The following LARGE1 variants were observed in gnomAD, a reference collection of about 807,000 sequenced individuals.
LARGE1 encodes xylosyl- and glucuronyltransferase LARGE1.
Under a neutral mutation model 87.6 loss-of-function variants are expected in LARGE1, and 43 were observed. The ratio of observed to expected loss-of-function variants is 0.49; its 90% CI spans 0.38 to 0.63. The LOEUF (loss-of-function observed/expected upper bound fraction) is 0.63. LARGE1 is among the 30% of genes least tolerant of loss of function. LARGE1 has a pLI of 0.00. For missense variants in LARGE1, 802 were observed against 1,000.2 expected, an observed-to-expected ratio of 0.80 and a Z score of 2.67; for synonymous variants, 434 against 394.6, an observed-to-expected ratio of 1.10 and a Z score of -1.18.
intron 2 of LARGE1, among the ~76,000 whole-genome samples, chr22:33,684,179 T>C (rs2081873210): frequency 6.6e-6 from 1 of 152,106 alleles, no homozygotes; most frequent in African/African-American, 2.4e-5. Context: ...ACCCGGTGAA[T>C]GTGGAATGTG....
chr22:33,305,544 A>G (rs1440903671), intron 11 of LARGE1: 2 of 978,218 alleles, frequency 2.0e-6, no homozygotes, highest in Non-Finnish European at 2.4e-6. Flanking sequence ...AGCAAGAGGT[A>G]CGTAATCAGC....
chr22:33,863,694 G>A (rs112207451), intron 1 of LARGE1, among the ~76,000 whole-genome samples: 1,808 of 152,112 alleles, frequency 0.012, 33 homozygotes, highest in African/African-American at 0.042. Context: ...CTTGAACCCA[G>A]GAGGCGGAGG....
At chr22:33,712,718 G>C (rs1035100117) in intron 2 of LARGE1, among the ~76,000 whole-genome samples, 64 of 150,582 alleles carry the variant, frequency 4.3e-4, no homozygotes, top group South Asian at 6.3e-4. Context: ...GCTGAGGCCA[G>C]CAAGAAAAGC....
chr22:33,200,820 A>T (rs1036255252), intron 11 of LARGE1, among the ~76,000 whole-genome samples: 6 of 152,196 alleles, frequency 3.9e-5, no homozygotes, highest in African/African-American at 1.4e-4. Context: ...AGCATTGGAG[A>T]GGGAGTGCTA....
At chr22:33,359,051 G>A in intron 9 of LARGE1, among the ~76,000 whole-genome samples, 1 of 151,842 alleles carries the variant, frequency 6.6e-6, no homozygotes, top group East Asian at 1.9e-4. Flanking sequence ...ATTATTAAGG[G>A]GCTCTGTTCT....
At chr22:33,795,051 C>G (rs2085937818) in intron 1 of LARGE1, among the ~76,000 whole-genome samples, 1 of 152,186 alleles carries the variant, frequency 6.6e-6, no homozygotes, top group Non-Finnish European at 1.5e-5. Context: ...TCATAGGACT[C>G]AATGAATGGT....
intron 11 of LARGE1, among the ~76,000 whole-genome samples, chr22:33,210,441 G>A (rs536346434): frequency 6.6e-6 from 1 of 152,362 alleles, no homozygotes; most frequent in South Asian, 2.1e-4. Flanking sequence ...CTCAGCCATG[G>A]TCTCCTGTCC....
intron 12 of LARGE1, among the ~76,000 whole-genome samples, chr22:33,301,373 A>AGTCAAGGCAGCCTGAAGGCATATTTT (rs1427282264): frequency 6.6e-6 from 1 of 152,134 alleles, no homozygotes; most frequent in African/African-American, 2.4e-5. Context: ...GGGTGTGAGG[A>AGTCAAGGCAGCCTGAAGGCATATTTT]GTCAAGGCAG....
At chr22:33,903,641 A>G (rs2065350481) in intron 1 of LARGE1, among the ~76,000 whole-genome samples, 2 of 152,110 alleles carry the variant, frequency 1.3e-5, no homozygotes, top group African/African-American at 4.8e-5. Flanking sequence ...CCTGGCCAAC[A>G]TGGTGAAACC....
chr22:33,507,032 G>A (rs1022827605), intron 6 of LARGE1, among the ~76,000 whole-genome samples: 4 of 152,212 alleles, frequency 2.6e-5, no homozygotes, highest in African/African-American at 9.7e-5. Flanking sequence ...AGGCTGAAGA[G>A]GGAGTGGGAA....
At chr22:33,550,543 A>G (rs1369002925) in intron 6 of LARGE1, among the ~76,000 whole-genome samples, 1 of 152,210 alleles carries the variant, frequency 6.6e-6, no homozygotes, top group East Asian at 1.9e-4. Flanking sequence ...CCATTATTAA[A>G]GACAAAAAAT....
chr22:33,915,741 C>T (rs903764053), intron 1 of LARGE1, among the ~76,000 whole-genome samples: 5 of 152,270 alleles, frequency 3.3e-5, no homozygotes, highest in Admixed American at 6.5e-5. Context: ...GAGCAAGAAG[C>T]GGGGGCACAG....
At chr22:33,700,602 C>T (rs2082377771) in intron 2 of LARGE1, among the ~76,000 whole-genome samples, 2 of 152,144 alleles carry the variant, frequency 1.3e-5, no homozygotes, top group African/African-American at 4.8e-5. Flanking sequence ...GGTGAAGAAG[C>T]TGTTCAGAGC....
chr22:33,883,044 T>C (rs1601845336), intron 1 of LARGE1, among the ~76,000 whole-genome samples: 1 of 152,090 alleles, frequency 6.6e-6, no homozygotes, highest in African/African-American at 2.4e-5. Context: ...TAACCAAGAA[T>C]GGGTTAGAAG....
chr22:33,534,195 G>A (rs2076976877), intron 6 of LARGE1, among the ~76,000 whole-genome samples: 1 of 151,908 alleles, frequency 6.6e-6, no homozygotes, highest in Non-Finnish European at 1.5e-5. Flanking sequence ...ACGAGGTCAG[G>A]AGATCGAGAC....
intron 11 of LARGE1, among the ~76,000 whole-genome samples, chr22:33,260,374 C>A (rs1439083071): frequency 6.6e-6 from 1 of 152,236 alleles, no homozygotes; most frequent in Non-Finnish European, 1.5e-5. Flanking sequence ...TCTGAGAAAT[C>A]CCACTTGAAA....
chr22:33,694,528 G>C (rs1445228682), intron 2 of LARGE1, among the ~76,000 whole-genome samples: 1 of 152,180 alleles, frequency 6.6e-6, no homozygotes, highest in Non-Finnish European at 1.5e-5. Context: ...TTGTGTGGCA[G>C]AATCTGGTGG....
intron 2 of LARGE1, among the ~76,000 whole-genome samples, chr22:33,661,009 T>C (rs1434369916): frequency 6.6e-6 from 1 of 151,908 alleles, no homozygotes; most frequent in Non-Finnish European, 1.5e-5. Flanking sequence ...TTAATGAGGT[T>C]TGATTTTTTT....
intron 6 of LARGE1, among the ~76,000 whole-genome samples, chr22:33,550,195 A>G (rs980416360): frequency 1.3e-5 from 2 of 151,340 alleles, no homozygotes; most frequent in Non-Finnish European, 1.5e-5. Flanking sequence ...ATATGTATGT[A>G]TGTATATATA....
Sources: gnomAD v4.1 joint callset for allele counts (sites outside exome capture counted in the v4.1 genomes callset) on GRCh38, gnomAD v4.1.1 for gene constraint, MANE v1.5 for transcripts, NCBI Gene and HGNC (gene_info 2026-07-23, HGNC 2026-07-21) for gene names.